Variants in DIDO1 observed in about 807,000 individuals in gnomAD.
DIDO1 encodes the protein death-inducer obliterator 1.
DIDO1 carries 16 observed loss-of-function variants against 99.4 expected under a neutral mutation model. That is an observed-to-expected ratio of 0.16 (90% CI 0.11 to 0.24). The LOEUF (loss-of-function observed/expected upper bound fraction) is 0.24, where lower values mean the gene tolerates loss of function less well. Ranked by LOEUF, DIDO1 falls within the 10% of genes least tolerant of loss-of-function variation. DIDO1 has a pLI of 1.00. For synonymous variants in DIDO1, 1,366 were observed against 1,239.1 expected (o/e 1.10, Z -2.15); for missense variants, 2,996 against 3,014.0 (o/e 0.99, Z 0.14).
rs758127215 is a variant in DIDO1 at position 62,881,983 on chromosome 20, T to C, written c.3973A>G (p.Lys1325Glu). The C allele has an allele frequency of 1.2e-6, 2 of 1,613,466 alleles. No homozygotes were observed. Among genetic ancestry groups the C allele is most frequent in the Non-Finnish European group, 1.7e-6 (2 of 1,180,016 alleles). Residue 1325 changes from lysine (K) to glutamate (E), a missense_variant, in exon 16 of 16, where the codon AAG becomes GAG. Transcript: ENST00000395343. This position sits in a 1 kb window ranked among gnomAD's most constrained non-coding sequence, Gnocchi z 8.3. ...EHILQTLFGKKKSFDPSAREP... is the reference protein window; with the variant it reads ...EHILQTLFGKEKSFDPSAREP... ...CTGGCGGACGGGTCGAATGATTTCT[T>C]CTTTCCAAAGAGAGTCTGCAGGATG...
chr20:62,893,931 G>A lies in DIDO1; in HGVS notation c.2836C>T (p.Leu946=), dbSNP rs148600634. The change falls in exon 12 of 16, where the codon CTG becomes TTG. Residue 946 remains leucine (L), a synonymous_variant. Transcript: ENST00000395343. The part of the protein sequence containing the change: ...GHPEPSPLED[L]SPCPASCGSG... ...CCACAGGAGGCTGGGCAGGGGGACA[G>A]GTCTTCCAGCGGGGAGGGCTCGGGA... 9.9e-6 allele frequency: 16 copies of A among 1,612,060 alleles called. No individual in the cohort carries two copies. The highest frequency in any genetic ancestry group is 1.3e-5 in the African/African-American group (1 of 74,894).
intron 6 of DIDO1, chr20:62,905,078 G>C: frequency 3.0e-6 from 3 of 991,870 alleles, no homozygotes; most frequent in African/African-American, 1.7e-5. Flanking sequence ...AGAATCTGAG[G>C]TTTCAAAGAT....
In DIDO1 at chr20:62,881,267, C is replaced by T. The variant is rs1042962941; in HGVS notation, c.4689G>A (p.Ala1563=). The stretch of plus-strand genomic sequence containing the variant: ...CACCGGTCTCAGTGGCCAGGCGCCT[C>T]GCCTGCCGGGGGTCCCTGTGGTTTG... ...QASNHRDPRQ[A]RRLATETGEG... is the part of the protein sequence containing the mutation. The change falls in exon 16 of 16, where the codon GCG becomes GCA. Residue 1563 remains alanine, a synonymous_variant. Coordinates refer to ENST00000395343, the MANE Select transcript of DIDO1 (RefSeq NM_001193369.2). The surrounding 1 kb of genome is among the most constrained non-coding windows in gnomAD (Gnocchi z 8.3). 1.4e-5 allele frequency: 23 copies of T among 1,603,448 alleles called. No individual in the cohort carries two copies. The highest frequency in any genetic ancestry group is 6.7e-5 in the East Asian group (3 of 44,832).
chr20:62,929,695 G>GTATATATATATATATATATATATATATA (rs71195479), upstream of DIDO1, among the ~76,000 whole-genome samples: 62 of 97,876 alleles, frequency 6.3e-4, no homozygotes, highest in African/African-American at 2.4e-3. Flanking sequence ...AAGAAAAAGT[G>GTATATATATATATATATATATATATATA]TATATATATA....
chr20:62,921,864 T>C (rs1299589301), intron 1 of DIDO1, among the ~76,000 whole-genome samples: 13 of 150,774 alleles, frequency 8.6e-5, no homozygotes, highest in Admixed American at 3.3e-4. Context: ...ATACCCGCTA[T>C]ATATATATCC....
chr20:62,905,258 G>A (rs910451711), intron 6 of DIDO1: 31 of 1,338,610 alleles, frequency 2.3e-5, no homozygotes, highest in Non-Finnish European at 2.8e-5. Context: ...CTCACTTACC[G>A]TGGGGCCTAT....
rs1156445980 is a variant in DIDO1, at chr20:62,881,103, G to A, written c.4853C>T (p.Pro1618Leu). The A allele has an allele frequency of 6.2e-7, 1 of 1,609,404 alleles. No homozygotes were observed. The highest frequency in any genetic ancestry group is 8.5e-7 in the Non-Finnish European group (1 of 1,179,554). Residue 1618 changes from proline (P) to leucine (L), a missense_variant, in exon 16 of 16, where the codon CCC becomes CTC. This residue lies in a region of DIDO1 where 1,562 missense variants were observed against 1,412.6 expected (regional missense o/e 1.11). Coordinates refer to ENST00000395343, the MANE Select transcript of DIDO1 (RefSeq NM_001193369.2). The surrounding 1 kb of genome is among the most constrained non-coding windows in gnomAD (Gnocchi z 8.3). ...TGGGGGCTTTTCGCCCGAAGCCCAG[G>A]GGGAAGAGGCTGGCTCTTTTTCCTC... ...VPEEKEPASS[P>L]WASGEKPPAG...
chr20:62,892,146 T>C (rs1307275468), intron 13 of DIDO1, 70 bp from the exon 14 acceptor site: 12 of 1,322,352 alleles, frequency 9.1e-6, no homozygotes, highest in Non-Finnish European at 1.3e-5. Context: ...TGCAGCCATG[T>C]GAAGGCACAC....
chr20:62,881,132 G>C lies in DIDO1; in HGVS notation c.4824C>G (p.Val1608=). 1 of 1,608,862 alleles carries C rather than the reference G, an allele frequency of 6.2e-7. No homozygotes were observed. The highest frequency in any genetic ancestry group is 1.3e-5 in the African/African-American group (1 of 75,030). Residue 1608 remains valine (V), a synonymous_variant, in exon 16 of 16, where the codon GTC becomes GTG. Transcript: ENST00000395343. This position sits in a 1 kb window ranked among gnomAD's most constrained non-coding sequence, Gnocchi z 8.3. ...AAGAGGCTGGCTCTTTTTCCTCCGGGACTGGCATGGGCGCCTGGCCCACGA... is the reference window on the plus strand; with the variant it reads ...AAGAGGCTGGCTCTTTTTCCTCCGGCACTGGCATGGGCGCCTGGCCCACGA... ...GGLVGQAPMP[V]PEEKEPASSP...
rs1011609844 is a variant in DIDO1 at position 62,913,045 on chromosome 20, C to T, written c.-3+1165G>A. Among the ~76,000 whole-genome samples, 14 of 152,288 alleles carry T rather than the reference C, an allele frequency of 9.2e-5. 2 individuals are homozygous for T. The South Asian group carries it at 1.0e-3, about 11-fold the overall frequency. On this transcript the variant is annotated intron_variant, in intron 2 of 15. Coordinates refer to ENST00000395343, the MANE Select transcript of DIDO1 (RefSeq NM_001193369.2). The stretch of plus-strand genomic sequence containing the variant: ...TCAGTCTCAAAAAAAAGAAAAAGAA[C>T]GAAAATACAAAATGGAAAATTACTT...
In DIDO1 at chr20:62,897,031, G is replaced by A; in HGVS notation, c.1589-35C>T. Reference sequence around the variant, plus strand: ...AGAACACAGGCGCTGAGTAAGGGAGGACACCACAGGGTGCTGTCACCTGAC... The same window carrying A: ...AGAACACAGGCGCTGAGTAAGGGAGAACACCACAGGGTGCTGTCACCTGAC... On this transcript the variant is annotated intron_variant, in intron 6 of 15. Coordinates refer to ENST00000395343, the MANE Select transcript of DIDO1 (RefSeq NM_001193369.2). The A allele has an allele frequency of 3.2e-6, 5 of 1,569,806 alleles. No homozygotes were observed. In the South Asian group the frequency reaches 5.9e-5, roughly 19 times the overall value.
At position 62,910,721 on chromosome 20, in the gene DIDO1, G is replaced by A. The variant is rs75432726; in HGVS notation, c.839+53C>T. The A allele has an allele frequency of 7.7e-4, 1,204 of 1,559,250 alleles. 4 individuals are homozygous for A. In the African/African-American group the frequency reaches 0.014, roughly 18 times the overall value. ...TAACCCTTTAAAATGAAAACAAATG[G>A]AAAATTCTGTTTGCAACCCTGGGAT... On this transcript the variant is annotated intron_variant, in intron 3 of 15. Coordinates refer to ENST00000395343, the MANE Select transcript of DIDO1 (RefSeq NM_001193369.2).
chr20:62,919,626 CTAT>C (rs993083951), intron 1 of DIDO1, among the ~76,000 whole-genome samples: 6 of 152,078 alleles, frequency 3.9e-5, no homozygotes, highest in African/African-American at 1.2e-4. Flanking sequence ...CAGAAACAAC[CTAT>C]TGTTGTTTTA....
In DIDO1 at chr20:62,922,182, ATGTG is replaced by A. The variant is rs563584499; in HGVS notation, c.-200+4253_-200+4256del. On this transcript the variant is annotated intron_variant, in intron 1 of 15. Transcript: ENST00000395343. ...AACAATGCCCGGCTCTTTTATATGT[ATGTG>A]TGTGTGTGTGTATATATATATGTAC... Among the ~76,000 whole-genome samples the A allele has an allele frequency of 4.3e-4, 63 of 146,416 alleles. 1 individual carries two copies. The highest frequency in any genetic ancestry group is 2.0e-3 in the East Asian group (10 of 4,948).
intron 1 of DIDO1, among the ~76,000 whole-genome samples, chr20:62,932,211 G>C (rs2147610377): frequency 6.6e-6 from 1 of 152,310 alleles, no homozygotes; most frequent in South Asian, 2.1e-4. Context: ...GTAAATGTAG[G>C]GCCAGGCACG....
chr20:62,894,700 A>T lies in DIDO1; in HGVS notation c.2436+110T>A. 1 of 1,407,286 alleles carries T rather than the reference A, an allele frequency of 7.1e-7. No homozygotes were observed. The highest frequency in any genetic ancestry group is 1.3e-5 in the South Asian group (1 of 76,372). The allele number at this position is 1,407,286 out of a possible 1,614,324, so 87.2% of individuals were successfully genotyped here. On this transcript the variant is annotated intron_variant, in intron 10 of 15. Transcript: ENST00000395343. This position sits in a 1 kb window ranked among gnomAD's most constrained non-coding sequence, Gnocchi z 4.4. ...ACAAGGACTGAGGAATGCCACAATG[A>T]CATACACCTGCTGTAAGCTCAGGTC... is the stretch of plus-strand genomic sequence containing the variant.
In DIDO1 at chr20:62,911,012, C is replaced by T. The variant is rs369536017; in HGVS notation, c.601G>A (p.Val201Met). Residue 201 changes from valine to methionine, a missense_variant, in exon 3 of 16, where the codon GTG becomes ATG. By Grantham distance (21) the Val-to-Met change is conservative. Coordinates refer to ENST00000395343, the MANE Select transcript of DIDO1 (RefSeq NM_001193369.2). This position sits in a 1 kb window ranked among gnomAD's most constrained non-coding sequence, Gnocchi z 7.0. ...KRREEGPAET[V>M]GSEASDTVEG... ...ACAGTGTCACTGGCCTCGGAGCCCA[C>T]AGTCTCGGCGGGACCCTCCTCCCGG... is the stretch of plus-strand genomic sequence containing the variant. 26 of 1,613,960 alleles carry T rather than the reference C, an allele frequency of 1.6e-5. No individual in the cohort carries two copies. The highest frequency in any genetic ancestry group is 1.3e-4 in the African/African-American group (10 of 74,932).
chr20:62,881,752 C>T lies in DIDO1; in HGVS notation c.4204G>A (p.Val1402Met), dbSNP rs775439423. Residue 1402 changes from valine (V) to methionine (M), a missense_variant, in exon 16 of 16, where the codon GTG (valine) becomes ATG (methionine). Transcript: ENST00000395343. This position sits in a 1 kb window ranked among gnomAD's most constrained non-coding sequence, Gnocchi z 8.3. ...DPERAFDTQL[V>M]ERGRRHEVER... is the part of the protein sequence containing the mutation. ...ACCTCGTGGCGCCGCCCTCGCTCCA[C>T]AAGCTGAGTGTCGAAGGCCCTCTCC... is the stretch of plus-strand genomic sequence containing the variant. 2 of 1,613,218 alleles carry T rather than the reference C, an allele frequency of 1.2e-6. No individual in the cohort carries two copies. The highest frequency in any genetic ancestry group is 8.5e-7 in the Non-Finnish European group (1 of 1,180,034).
chr20:62,886,104 G>T (rs1382672384), intron 15 of DIDO1, among the ~76,000 whole-genome samples: 1 of 152,252 alleles, frequency 6.6e-6, no homozygotes, highest in Non-Finnish European at 1.5e-5. Flanking sequence ...ACAGGGCACG[G>T]TAGGCTTACT....
Sources: gnomAD v4.1 joint callset for allele counts (sites outside exome capture counted in the v4.1 genomes callset) on GRCh38, gnomAD v4.1.1 for gene constraint, gnomAD v4.1.1 regional missense constraint, Gnocchi (gnomAD v3.1) non-coding constraint, MANE v1.5 for transcripts, NCBI Gene and HGNC (gene_info 2026-07-23, HGNC 2026-07-21) for gene names.